The following LTV1 variants were observed in gnomAD, a reference collection of about 807,000 sequenced individuals.
LTV1 encodes protein LTV1 homolog.
A neutral mutation model predicts 59.9 loss-of-function variants in LTV1; 39 were observed. The ratio of observed to expected loss-of-function variants is 0.65; its 90% CI spans 0.50 to 0.85. LTV1 has a LOEUF of 0.85. Ranked by LOEUF, LTV1 falls within the 40% of genes least tolerant of loss-of-function variation. The probability of loss-of-function intolerance (pLI) is 0.00; values close to 1 mark genes in which losing one functional copy is unlikely to be tolerated. For synonymous variants in LTV1, 171 were observed against 189.5 expected, an observed-to-expected ratio of 0.90 and a Z score of 0.80; for missense variants, 493 against 549.1, an observed-to-expected ratio of 0.90 and a Z score of 1.02.
At position 143,850,182 on chromosome 6, in the gene LTV1, G is replaced by GA; in HGVS notation, c.362dup (p.Asp121GlufsTer7). The GA allele has an allele frequency of 6.2e-7, 1 of 1,613,746 alleles. No homozygotes were observed. The highest frequency in any genetic ancestry group is 8.5e-7 in the Non-Finnish European group (1 of 1,179,824). Reference sequence around the variant, plus strand: ...AGTGTTTGCTTCAGAGTTTGAGGAAGATGTTGGATTGTTAAATAAAGCAGC... The same window carrying GA: ...AGTGTTTGCTTCAGAGTTTGAGGAAGAATGTTGGATTGTTAAATAAAGCAGC... On this transcript the variant is annotated frameshift_variant, in exon 4 of 11. Coordinates refer to ENST00000367576, the MANE Select transcript of LTV1 (RefSeq NM_032860.5). LOFTEE classifies it high-confidence loss of function.
chr6:143,843,627 C>T, intron 1 of LTV1, 147 bp downstream of exon 1: 1 of 995,678 alleles, frequency 1.0e-6, no homozygotes, highest in South Asian at 1.5e-5. Flanking sequence ...GGGCCAACGT[C>T]ACCACCGTGG....
intron 4 of LTV1, among the ~76,000 whole-genome samples, chr6:143,850,801 CTG>C (rs1284416787): frequency 6.6e-6 from 1 of 152,178 alleles, no homozygotes; most frequent in Non-Finnish European, 1.5e-5. Flanking sequence ...TTGCCACTGT[CTG>C]TGTGGCAGGG....
chr6:143,862,908 T>C lies in LTV1; in HGVS notation c.1116+12T>C. 4 of 1,586,096 alleles carry C rather than the reference T, an allele frequency of 2.5e-6. No individual in the cohort carries two copies. The highest frequency in any genetic ancestry group is 3.5e-6 in the Non-Finnish European group (4 of 1,154,618). ...AGTATCAACCAAAGGTAAGTCCTAGTGTGCTGAGCTATTTGAAGGATGCAG... is the reference window on the plus strand; with the variant it reads ...AGTATCAACCAAAGGTAAGTCCTAGCGTGCTGAGCTATTTGAAGGATGCAG... On this transcript the variant is annotated intron_variant, in intron 9 of 10. Coordinates refer to ENST00000367576, the MANE Select transcript of LTV1 (RefSeq NM_032860.5). This position sits in a 1 kb window ranked among gnomAD's most constrained non-coding sequence, Gnocchi z 4.2.
intron 4 of LTV1, among the ~76,000 whole-genome samples, chr6:143,851,005 A>G (rs969835195): frequency 2.0e-5 from 3 of 150,978 alleles, no homozygotes; most frequent in Non-Finnish European, 4.4e-5. Flanking sequence ...CTTAAGTAAA[A>G]GTTAGGTAGG....
Sources: allele counts gnomAD v4.1 joint callset (sites outside exome capture counted in the v4.1 genomes callset), GRCh38; gene constraint gnomAD v4.1.1; non-coding constraint Gnocchi (gnomAD v3.1); transcripts MANE v1.5; gene names NCBI Gene and HGNC (gene_info 2026-07-23, HGNC 2026-07-21).